Variants in KCNH7 observed in about 807,000 individuals in gnomAD.
KCNH7 encodes potassium voltage-gated channel subfamily H member 7.
KCNH7 carries 49 observed loss-of-function variants against 120.8 expected under a neutral mutation model. The observed-to-expected ratio is 0.41, with a 90% CI of 0.32 to 0.51. KCNH7 has a LOEUF of 0.51. KCNH7 is among the 20% of genes least tolerant of loss of function. KCNH7 has a pLI of 0.38. For missense variants in KCNH7, 1,097 were observed against 1,446.6 expected (o/e 0.76, Z 3.92); for synonymous variants, 547 against 516.1 (o/e 1.06, Z -0.81).
rs1456992298 is a variant in KCNH7 at position 162,713,754 on chromosome 2, G to T, written c.307+122783C>A. 2.6e-5 allele frequency among the ~76,000 whole-genome samples: 4 copies of T among 152,126 alleles called. No individual in the cohort carries two copies. The South Asian group carries it at 8.3e-4, about 32-fold the overall frequency. On this transcript the variant is annotated intron_variant, in intron 2 of 15. Coordinates refer to ENST00000332142, the MANE Select transcript of KCNH7 (RefSeq NM_033272.4). ...TGTTGTTTTTCTTTTTTGTTTGTTT[G>T]TTTTGTTTTTTCAAACAGAGTTTTG...
intron 6 of KCNH7, among the ~76,000 whole-genome samples, chr2:162,496,504 A>T (rs762236542): frequency 2.6e-5 from 4 of 152,080 alleles, no homozygotes; most frequent in Non-Finnish European, 5.9e-5. Flanking sequence ...TCAACTGAGA[A>T]GGGGGGAAAC....
chr2:162,544,819 T>A (rs943527586), intron 2 of KCNH7, among the ~76,000 whole-genome samples: 2 of 152,158 alleles, frequency 1.3e-5, no homozygotes, highest in African/African-American at 4.8e-5. Context: ...TTCATTTTAA[T>A]CTATTCAGTC....
intron 2 of KCNH7, among the ~76,000 whole-genome samples, chr2:162,633,233 A>G (rs1289801952): frequency 1.3e-4 from 19 of 151,922 alleles, no homozygotes; most frequent in Non-Finnish European, 2.8e-4. Flanking sequence ...CCTGTAAGGT[A>G]TATATTATTT....
chr2:162,735,660 T>G (rs1687878781), intron 2 of KCNH7, among the ~76,000 whole-genome samples: 1 of 152,180 alleles, frequency 6.6e-6, no homozygotes, highest in Non-Finnish European at 1.5e-5. Flanking sequence ...CAGCCAAATA[T>G]TTTAGTTCCC....
intron 2 of KCNH7, among the ~76,000 whole-genome samples, chr2:162,744,511 T>C (rs1349909908): frequency 6.6e-6 from 1 of 151,956 alleles, no homozygotes; most frequent in East Asian, 1.9e-4. Flanking sequence ...CACATTCTCA[T>C]TAGCTGTGTC....
At chr2:162,737,914 A>G (rs1687973820) in intron 2 of KCNH7, among the ~76,000 whole-genome samples, 1 of 151,972 alleles carries the variant, frequency 6.6e-6, no homozygotes, top group Non-Finnish European at 1.5e-5. Context: ...AAAATACAAA[A>G]ATTAGCCACG....
chr2:162,826,341 T>C (rs1685285314), intron 2 of KCNH7, among the ~76,000 whole-genome samples: 1 of 152,104 alleles, frequency 6.6e-6, no homozygotes, highest in African/African-American at 2.4e-5. Context: ...TAGAGATATT[T>C]TTCCTTTTAT....
chr2:162,559,857 T>C (rs1693001057), intron 2 of KCNH7, among the ~76,000 whole-genome samples: 1 of 152,110 alleles, frequency 6.6e-6, no homozygotes, highest in Non-Finnish European at 1.5e-5. Flanking sequence ...TCACAAATAT[T>C]TAATAGATGG....
chr2:162,735,011 C>A (rs71424753), intron 2 of KCNH7, among the ~76,000 whole-genome samples: 1 of 152,158 alleles, frequency 6.6e-6, no homozygotes, highest in African/African-American at 2.4e-5. Flanking sequence ...CCAGCAGAAC[C>A]TGTCTCTTCC....
At chr2:162,653,639 GA>G (rs565233775) in intron 2 of KCNH7, among the ~76,000 whole-genome samples, 57 of 151,910 alleles carry the variant, frequency 3.8e-4, no homozygotes, top group African/African-American at 1.3e-3. Flanking sequence ...CACAGAAGTG[GA>G]AAAAAAATCC....
intron 2 of KCNH7, among the ~76,000 whole-genome samples, chr2:162,667,584 T>G (rs962319175): frequency 3.9e-5 from 6 of 152,232 alleles, no homozygotes; most frequent in African/African-American, 1.4e-4. Context: ...ATCTCAGAAC[T>G]TTTGCAACTG....
At chr2:162,717,273 A>G (rs1375086255) in intron 2 of KCNH7, among the ~76,000 whole-genome samples, 1 of 152,140 alleles carries the variant, frequency 6.6e-6, no homozygotes, top group African/African-American at 2.4e-5. Context: ...TGGCACATCT[A>G]TGAGACATTA....
chr2:162,580,981 G>A (rs1315612035), intron 2 of KCNH7, among the ~76,000 whole-genome samples: 5 of 152,034 alleles, frequency 3.3e-5, no homozygotes, highest in African/African-American at 1.2e-4. Flanking sequence ...TATATTAGCT[G>A]CACACAAGGA....
intron 2 of KCNH7, among the ~76,000 whole-genome samples, chr2:162,765,101 A>G (rs1028154825): frequency 6.6e-6 from 1 of 152,022 alleles, no homozygotes; most frequent in African/African-American, 2.4e-5. Context: ...AAGAAGGCAC[A>G]AAACAGAAGA....
In KCNH7 at chr2:162,504,543, T is replaced by G; in HGVS notation, c.1028A>C (p.Lys343Thr). 6.2e-7 allele frequency: 1 copy of G among 1,612,912 alleles called. No homozygotes were observed. Among genetic ancestry groups the G allele is most frequent in the Non-Finnish European group, 8.5e-7 (1 of 1,179,172 alleles). ...PQLTLNFSEVKTEKKNSSPPS... is the reference protein window; with the variant it reads ...PQLTLNFSEVTTEKKNSSPPS... Reference sequence around the variant, plus strand: ...AGGTGATGAATTCTTTTTCTCAGTTTTGACCTCTGAAAAATTCAGAGTGAG... The same window carrying G: ...AGGTGATGAATTCTTTTTCTCAGTTGTGACCTCTGAAAAATTCAGAGTGAG... Residue 343 changes from lysine (K) to threonine (T), a missense_variant, in exon 6 of 16, where the codon AAA becomes ACA. Around this residue, in one of 8 missense-constraint regions of KCNH7, gnomAD observed 362 missense variants for 372.2 expected, o/e 0.97. Coordinates refer to ENST00000332142, the MANE Select transcript of KCNH7 (RefSeq NM_033272.4).
chr2:162,397,702 A>C (rs1235813449), intron 10 of KCNH7, among the ~76,000 whole-genome samples: 1 of 151,858 alleles, frequency 6.6e-6, no homozygotes, highest in East Asian at 1.9e-4. Flanking sequence ...AACAATAACA[A>C]ATATTTATTG....
At chr2:162,772,277 T>G (rs1683084287) in intron 2 of KCNH7, among the ~76,000 whole-genome samples, 2 of 152,152 alleles carry the variant, frequency 1.3e-5, no homozygotes, top group Non-Finnish European at 2.9e-5. Flanking sequence ...AATGTAGACT[T>G]TTTAATTTTT....
At chr2:162,556,855 A>T (rs1035189834) in intron 2 of KCNH7, among the ~76,000 whole-genome samples, 1 of 152,234 alleles carries the variant, frequency 6.6e-6, no homozygotes, top group Non-Finnish European at 1.5e-5. Flanking sequence ...CAGCATTACT[A>T]TGAGGAAACT....
At chr2:162,770,337 TAC>T (rs999611239) in intron 2 of KCNH7, among the ~76,000 whole-genome samples, 4 of 147,878 alleles carry the variant, frequency 2.7e-5, no homozygotes, top group Non-Finnish European at 6.0e-5. Context: ...TATATATATA[TAC>T]ATTCATATAT....
Sources: allele counts gnomAD v4.1 joint callset (sites outside exome capture counted in the v4.1 genomes callset), GRCh38; gene constraint gnomAD v4.1.1; regional missense constraint gnomAD v4.1.1; transcripts MANE v1.5; gene names NCBI Gene and HGNC (gene_info 2026-07-23, HGNC 2026-07-21).